The following OPHN1 variants were observed in gnomAD, a reference collection of about 807,000 sequenced individuals.
The protein encoded by OPHN1 is oligophrenin-1.
A neutral mutation model predicts 60.7 loss-of-function variants in OPHN1; 11 were observed. That is an observed-to-expected ratio of 0.18 (90% confidence interval 0.11 to 0.30). OPHN1 has a LOEUF of 0.30. OPHN1 is among the 10% of genes least tolerant of loss of function. The probability of loss-of-function intolerance (pLI) is 1.00; values close to 1 mark genes in which losing one functional copy is unlikely to be tolerated. For missense variants in OPHN1, 449 were observed against 611.0 expected, an observed-to-expected ratio of 0.73 and a Z score of 2.80; for synonymous variants, 226 against 222.6, an observed-to-expected ratio of 1.02 and a Z score of -0.14.
At chrX:68,426,557 T>TAG (rs2078857854) in intron 2 of OPHN1, among the ~76,000 whole-genome samples, 1 of 68,288 alleles carries the variant, frequency 1.5e-5, no homozygotes. Flanking sequence ...CTGTTTTATA[T>TAG]ATATATATAT....
chrX:68,273,559 T>C (rs2077979100), intron 5 of OPHN1, among the ~76,000 whole-genome samples: 1 of 112,521 alleles, frequency 8.9e-6, no homozygotes, highest in South Asian at 3.7e-4. Context: ...ATGTATTTTA[T>C]CTGCACTGTC....
At chrX:68,268,060 A>C (rs2077942224) in intron 5 of OPHN1, among the ~76,000 whole-genome samples, 1 of 111,799 alleles carries the variant, frequency 8.9e-6, no homozygotes, top group Non-Finnish European at 1.9e-5. Context: ...CAACCAAAAA[A>C]AGTCCAGGAG....
intron 15 of OPHN1, among the ~76,000 whole-genome samples, chrX:68,157,972 G>A (rs760881228): frequency 7.3e-4 from 81 of 111,185 alleles, no homozygotes; most frequent in Non-Finnish European, 1.4e-3. Context: ...TCTTTGAGAC[G>A]GAGTCTCGCT....
intron 2 of OPHN1, among the ~76,000 whole-genome samples, chrX:68,311,988 T>C (rs1304927216): frequency 9.0e-6 from 1 of 111,399 alleles, no homozygotes; most frequent in East Asian, 2.8e-4. Context: ...TGTTAATACA[T>C]TTTAAAAGCT....
intron 5 of OPHN1, among the ~76,000 whole-genome samples, chrX:68,274,529 T>G (rs1287771672): frequency 9.0e-6 from 1 of 111,415 alleles, no homozygotes; most frequent in African/African-American, 3.3e-5. Context: ...CCACCCCCTT[T>G]GTCATGTTAG....
intron 16 of OPHN1, among the ~76,000 whole-genome samples, chrX:68,115,119 G>A (rs2077121639): frequency 8.9e-6 from 1 of 112,402 alleles, no homozygotes; most frequent in African/African-American, 3.2e-5. Context: ...GTCCAGCACA[G>A]TGTATAAAAG....
At chrX:68,367,014 A>T (rs1259684111) in intron 2 of OPHN1, among the ~76,000 whole-genome samples, 1 of 110,788 alleles carries the variant, frequency 9.0e-6, no homozygotes, top group Non-Finnish European at 1.9e-5. Context: ...GACATCAGCA[A>T]AATGGTGGAC....
intron 2 of OPHN1, among the ~76,000 whole-genome samples, chrX:68,360,274 G>A (rs1039542397): frequency 9.0e-5 from 10 of 110,668 alleles, no homozygotes; most frequent in Admixed American, 7.8e-4. Context: ...AAACTCCTGC[G>A]TTCAAGTGAT....
At chrX:68,141,082 G>C (rs989599842) in intron 15 of OPHN1, among the ~76,000 whole-genome samples, 1 of 111,822 alleles carries the variant, frequency 8.9e-6, no homozygotes, top group Admixed American at 9.5e-5. Context: ...CTGTCACTCT[G>C]ACCCTTTACT....
At chrX:68,325,506 A>C (rs1440950541) in intron 2 of OPHN1, among the ~76,000 whole-genome samples, 8 of 101,215 alleles carry the variant, frequency 7.9e-5, no homozygotes, top group Non-Finnish European at 1.6e-4. Flanking sequence ...ACAAATCTAG[A>C]TGTCTATCTC....
In OPHN1 at chrX:68,402,074, A is replaced by T. The variant is rs184231798; in HGVS notation, c.154+30793T>A. On this transcript the variant is annotated intron_variant, in intron 2 of 24. Coordinates refer to ENST00000355520, the MANE Select transcript of OPHN1 (RefSeq NM_002547.3). ...ACAGTTCATCTGGAATCAGTATGGA[A>T]TGAACCGAAGGAGAAAGGGATAGAA... Among the ~76,000 whole-genome samples, 12 of 111,731 alleles carry T rather than the reference A, an allele frequency of 1.1e-4. No individual in the cohort carries two copies. The East Asian group carries it at 3.4e-3, about 32-fold the overall frequency.
rs1271936807 is a variant in OPHN1, at chrX:68,213,886, G to A, written c.573C>T (p.Ser191=). 1 of 1,200,492 alleles carries A rather than the reference G, an allele frequency of 8.3e-7. No homozygotes were observed. Among genetic ancestry groups the A allele is most frequent in the African/African-American group, 1.7e-5 (1 of 57,517 alleles). Residue 191 remains serine, a synonymous_variant, in exon 7 of 25, where the codon TCC becomes TCT. Coordinates refer to ENST00000355520, the MANE Select transcript of OPHN1 (RefSeq NM_002547.3). ...CAGGCTCCACAATATTGAACTTCTTGGACTCCTGAACTTCCTGGATTTGAT... is the reference window on the plus strand; with the variant it reads ...CAGGCTCCACAATATTGAACTTCTTAGACTCCTGAACTTCCTGGATTTGAT... ...YVYQIQEVQE[S]KKFNIVEPVL...
chrX:68,276,448 T>G (rs2077992163), intron 4 of OPHN1, among the ~76,000 whole-genome samples: 1 of 111,608 alleles, frequency 9.0e-6, no homozygotes, highest in African/African-American at 3.3e-5. Flanking sequence ...TTTGGTTGCT[T>G]AGGAAATCAA....
intron 2 of OPHN1, among the ~76,000 whole-genome samples, chrX:68,317,517 G>A (rs371296421): frequency 3.8e-4 from 18 of 47,821 alleles, no homozygotes; most frequent in African/African-American, 2.9e-3. Flanking sequence ...GAAAGAGAGA[G>A]AGAAAGAAAG....
At chrX:68,279,645 C>A (rs964733259) in intron 4 of OPHN1, among the ~76,000 whole-genome samples, 1 of 111,332 alleles carries the variant, frequency 9.0e-6, no homozygotes, top group African/African-American at 3.3e-5. Context: ...TAGAGGGGTC[C>A]TTTTGCTACA....
chrX:68,148,575 C>T (rs1361613437), intron 15 of OPHN1, among the ~76,000 whole-genome samples: 2 of 110,263 alleles, frequency 1.8e-5, no homozygotes, highest in South Asian at 3.8e-4. Flanking sequence ...CAAGCTGAGA[C>T]GGCTGAGCCC....
intron 2 of OPHN1, among the ~76,000 whole-genome samples, chrX:68,423,019 TTTTTTTTTTTTTTTTTC>T (rs1159033235): frequency 8.4e-5 from 1 of 11,872 alleles, no homozygotes; most frequent in African/African-American, 1.0e-4. Flanking sequence ...TGTAGCTTTC[TTTTTTTTTTTTTTTTTC>T]TTTTTTTGAG....
chrX:68,293,460 T>C (rs1394676067), intron 3 of OPHN1, among the ~76,000 whole-genome samples: 1 of 112,224 alleles, frequency 8.9e-6, no homozygotes, highest in Non-Finnish European at 1.9e-5. Context: ...ATCAATCTTC[T>C]TGGTCCACAA....
At chrX:68,103,254 T>G (rs754845265) in intron 18 of OPHN1, among the ~76,000 whole-genome samples, 1 of 112,273 alleles carries the variant, frequency 8.9e-6, no homozygotes, top group African/African-American at 3.2e-5. Context: ...ATCCATCACA[T>G]AAACAGAACC....
Sources: allele counts gnomAD v4.1 joint callset (sites outside exome capture counted in the v4.1 genomes callset), GRCh38; gene constraint gnomAD v4.1.1; transcripts MANE v1.5; gene names NCBI Gene and HGNC (gene_info 2026-07-23, HGNC 2026-07-21).